The following ARSJ variants were observed in gnomAD, a reference collection of about 807,000 sequenced individuals.
The protein encoded by ARSJ is arylsulfatase J.
A neutral mutation model predicts 35.9 loss-of-function variants in ARSJ; 26 were observed. The ratio of observed to expected loss-of-function variants is 0.72; its 90% CI spans 0.53 to 1.00. The LOEUF (loss-of-function observed/expected upper bound fraction) is 1.00. Ranked by LOEUF, ARSJ falls within the 50% of genes least tolerant of loss-of-function variation. ARSJ has a pLI of 0.00. For synonymous variants in ARSJ, 294 were observed against 267.6 expected (o/e 1.10, Z -0.96); for missense variants, 667 against 723.6 (o/e 0.92, Z 0.90).
At chr4:113,929,049 C>T (rs1476318507) in intron 1 of ARSJ, among the ~76,000 whole-genome samples, 1 of 152,128 alleles carries the variant, frequency 6.6e-6, no homozygotes, top group Non-Finnish European at 1.5e-5. Context: ...ACATTAAAAG[C>T]AGAGTCCCTA....
At chr4:113,965,776 C>A (rs1395630432) in intron 1 of ARSJ, among the ~76,000 whole-genome samples, 1 of 151,898 alleles carries the variant, frequency 6.6e-6, no homozygotes, top group Non-Finnish European at 1.5e-5. Context: ...CAAAGACAGC[C>A]AAACTAGGAA....
chr4:113,959,766 G>A (rs1726424481), intron 1 of ARSJ, among the ~76,000 whole-genome samples: 2 of 151,902 alleles, frequency 1.3e-5, no homozygotes. Context: ...GTGTTTATAT[G>A]GTTGCATATT....
chr4:113,930,479 G>T (rs1724365350), intron 1 of ARSJ, among the ~76,000 whole-genome samples: 1 of 152,000 alleles, frequency 6.6e-6, no homozygotes, highest in Non-Finnish European at 1.5e-5. Flanking sequence ...ACACACTCAG[G>T]ATTAATATTT....
chr4:113,945,979 C>A (rs1023303328), intron 1 of ARSJ, among the ~76,000 whole-genome samples: 1 of 150,314 alleles, frequency 6.7e-6, no homozygotes, highest in Non-Finnish European at 1.5e-5. Context: ...AGCAATTTCT[C>A]ATAAAATACT....
At chr4:113,964,486 A>G (rs930841616) in intron 1 of ARSJ, among the ~76,000 whole-genome samples, 2 of 152,162 alleles carry the variant, frequency 1.3e-5, no homozygotes, top group African/African-American at 4.8e-5. Context: ...ATGAGAGAAC[A>G]GACATGCATT....
Position 113,975,704 on chromosome 4 carries a change from A to T in ARSJ, c.398+2733T>A, listed in dbSNP as rs79410638. Among the ~76,000 whole-genome samples the T allele has an allele frequency of 0.013, 2,035 of 152,316 alleles. 113 individuals are homozygous for T. The East Asian group carries it at 0.16, about 12-fold the overall frequency. On this transcript the variant is annotated intron_variant, in intron 1 of 1. Transcript: ENST00000315366. ...GCAACTATCTAAAGTTGTTGCAAGGATTAAATGAGACAATGCATATAAAAT... is the reference window on the plus strand; with the variant it reads ...GCAACTATCTAAAGTTGTTGCAAGGTTTAAATGAGACAATGCATATAAAAT...
chr4:113,971,463 T>C (rs757489015), intron 1 of ARSJ, among the ~76,000 whole-genome samples: 40 of 152,194 alleles, frequency 2.6e-4, no homozygotes, highest in Non-Finnish European at 5.4e-4. Flanking sequence ...TTATGGACTT[T>C]GAGCTTAAGA....
At chr4:113,922,461 T>C in intron 1 of ARSJ, among the ~76,000 whole-genome samples, 1 of 152,162 alleles carries the variant, frequency 6.6e-6, no homozygotes, top group Non-Finnish European at 1.5e-5. Context: ...ATCAGCTCTA[T>C]TGCTATGCAA....
chr4:113,930,431 G>A (rs1295059307), intron 1 of ARSJ, among the ~76,000 whole-genome samples: 2 of 151,982 alleles, frequency 1.3e-5, no homozygotes, highest in African/African-American at 2.4e-5. Context: ...TGGGTTGGAC[G>A]ACTCAAATAT....
intron 1 of ARSJ, among the ~76,000 whole-genome samples, chr4:113,934,002 T>C (rs1391264280): frequency 6.6e-6 from 1 of 151,746 alleles, no homozygotes; most frequent in Non-Finnish European, 1.5e-5. Flanking sequence ...CTGAAGACTA[T>C]CAAAAAACTG....
intron 1 of ARSJ, 132 bp downstream of exon 1, chr4:113,978,305 C>T (rs2110343197): frequency 1.2e-6 from 1 of 847,634 alleles, no homozygotes; most frequent in Non-Finnish European, 1.8e-6. Context: ...CAATACCATA[C>T]ATCATTCATT....
intron 1 of ARSJ, among the ~76,000 whole-genome samples, chr4:113,976,670 A>C (rs111776775): frequency 6.6e-6 from 1 of 152,210 alleles, no homozygotes; most frequent in African/African-American, 2.4e-5. Context: ...TTTAATTCAA[A>C]TAGAAATTTA....
intron 1 of ARSJ, among the ~76,000 whole-genome samples, chr4:113,938,262 A>G (rs529361998): frequency 1.2e-4 from 18 of 152,258 alleles, no homozygotes; most frequent in African/African-American, 4.3e-4. Context: ...ATCTTCAAAA[A>G]ACCTGACAAA....
chr4:113,902,988 T>A lies in ARSJ; in HGVS notation c.1086A>T (p.Pro362=), dbSNP rs1412312568. ...GIRAVGFVHS[P]LLKNKGTVCK... is the part of the protein sequence containing the mutation. ...ACACTGTTCCCTTGTTTTTCAGAAG[T>A]GGGCTATGCACAAAGCCTACAGCCC... is the stretch of plus-strand genomic sequence containing the variant. The change falls in exon 2 of 2, where the codon CCA becomes CCT. Residue 362 remains proline, a synonymous_variant. Coordinates refer to ENST00000315366, the MANE Select transcript of ARSJ (RefSeq NM_024590.4). 2 of 1,614,050 alleles carry A rather than the reference T, an allele frequency of 1.2e-6. No individual in the cohort carries two copies. Among genetic ancestry groups the A allele is most frequent in the Non-Finnish European group, 1.7e-6 (2 of 1,180,042 alleles).
intron 1 of ARSJ, among the ~76,000 whole-genome samples, chr4:113,947,178 G>A (rs769631984): frequency 2.0e-5 from 3 of 151,970 alleles, no homozygotes; most frequent in Non-Finnish European, 4.4e-5. Context: ...TCTTCCAATA[G>A]GGATTTAAAA....
intron 1 of ARSJ, among the ~76,000 whole-genome samples, chr4:113,959,790 T>C (rs1726426041): frequency 6.6e-6 from 1 of 152,088 alleles, no homozygotes; most frequent in South Asian, 2.1e-4. Context: ...AAATGGAATT[T>C]GGTTTCTGAA....
chr4:113,918,931 T>C (rs781094575), intron 1 of ARSJ, among the ~76,000 whole-genome samples: 24 of 152,062 alleles, frequency 1.6e-4, no homozygotes, highest in Non-Finnish European at 2.9e-4. Flanking sequence ...TAGCTGATAC[T>C]AAGCGCGCAT....
intron 1 of ARSJ, among the ~76,000 whole-genome samples, chr4:113,910,445 T>C (rs2099670110): frequency 6.6e-6 from 1 of 152,058 alleles, no homozygotes; most frequent in Non-Finnish European, 1.5e-5. Flanking sequence ...AATAGGCCAA[T>C]AGTGGAGTAG....
In ARSJ at chr4:113,916,101, G is replaced by A. The variant is rs1460158180; in HGVS notation, c.399-12426C>T. On this transcript the variant is annotated intron_variant, in intron 1 of 1. Transcript: ENST00000315366. ...ACAGGGTGTTTCCTGGGTGGTATGT[G>A]AGAAAATGAATATTTTATATTTGTT... 3.9e-5 allele frequency among the ~76,000 whole-genome samples: 6 copies of A among 152,194 alleles called. No individual in the cohort carries two copies. The South Asian group carries it at 1.2e-3, about 32-fold the overall frequency.
Sources: gnomAD v4.1 joint callset for allele counts (sites outside exome capture counted in the v4.1 genomes callset) on GRCh38, gnomAD v4.1.1 for gene constraint, MANE v1.5 for transcripts, NCBI Gene and HGNC (gene_info 2026-07-23, HGNC 2026-07-21) for gene names.